Variants in MMP26 observed in about 807,000 individuals in gnomAD.
MMP26 encodes matrix metalloproteinase-26.
In MMP26, 33 loss-of-function variants were observed where a neutral mutation model predicts 31.0. The ratio of observed to expected loss-of-function variants is 1.06; its 90% confidence interval spans 0.81 to 1.42. The LOEUF is 1.42. Among genes scored for constraint, MMP26 ranks in the 40% most tolerant of loss-of-function variants. The pLI is 0.00. For synonymous variants in MMP26, 122 were observed against 114.9 expected, an observed-to-expected ratio of 1.06 and a Z score of -0.40; for missense variants, 347 against 316.1, an observed-to-expected ratio of 1.10 and a Z score of -0.74.
chr11:4,926,366 G>A (rs12801574), intron 2 of MMP26, among the ~76,000 whole-genome samples: 17,375 of 152,214 alleles, frequency 0.11, 1,161 homozygotes, highest in South Asian at 0.16. Context: ...AGTTTAGGCA[G>A]TGATGCAAGC....
At chr11:4,849,918 A>G (rs1849950587) in intron 2 of MMP26, among the ~76,000 whole-genome samples, 1 of 152,160 alleles carries the variant, frequency 6.6e-6, no homozygotes, top group East Asian at 1.9e-4. Flanking sequence ...ACATGCATAG[A>G]ATGTGAAATG....
In MMP26 at chr11:4,927,201, A is replaced by G. The variant is rs1396827926; in HGVS notation, c.-144-60867A>G. Among the ~76,000 whole-genome samples, 4 of 152,286 alleles carry G rather than the reference A, an allele frequency of 2.6e-5. No individual in the cohort carries two copies. The South Asian group carries it at 8.3e-4, about 32-fold the overall frequency. ...TCATATGGTTGCATACAATGTTGTT[A>G]ACTATTATCAGCATCTGTCTTTATG... On this transcript the variant is annotated intron_variant, in intron 2 of 7. Transcript: ENST00000380390.
chr11:4,966,277 AG>A (rs1201467017), intron 2 of MMP26, among the ~76,000 whole-genome samples: 3 of 152,036 alleles, frequency 2.0e-5, no homozygotes, highest in Non-Finnish European at 2.9e-5. Flanking sequence ...GGGCAGGAGG[AG>A]TTGGTGGGTA....
At chr11:4,907,931 G>C in intron 2 of MMP26, 1 of 1,614,032 alleles carries the variant, frequency 6.2e-7, no homozygotes, top group Non-Finnish European at 8.5e-7. Context: ...CATGAAGCTG[G>C]CCTGCTCTGA....
intron 2 of MMP26, among the ~76,000 whole-genome samples, chr11:4,791,233 G>A (rs1849022196): frequency 6.6e-6 from 1 of 152,202 alleles, no homozygotes; most frequent in Admixed American, 6.5e-5. Context: ...GTTAATAGTT[G>A]CGGCTATGAA....
intron 2 of MMP26, among the ~76,000 whole-genome samples, chr11:4,847,281 A>T (rs889629715): frequency 1.3e-5 from 2 of 152,216 alleles, no homozygotes; most frequent in Non-Finnish European, 2.9e-5. Flanking sequence ...ATGTGAATGT[A>T]TACTGCTGCT....
At chr11:4,798,289 G>A (rs1849134923) in intron 2 of MMP26, among the ~76,000 whole-genome samples, 1 of 152,132 alleles carries the variant, frequency 6.6e-6, no homozygotes, top group Non-Finnish European at 1.5e-5. Flanking sequence ...AGAAGACAGA[G>A]CAGGATGAGC....
intron 2 of MMP26, among the ~76,000 whole-genome samples, chr11:4,891,065 G>C (rs1850614414): frequency 6.6e-6 from 1 of 151,070 alleles, no homozygotes; most frequent in South Asian, 2.1e-4. Flanking sequence ...GTGGATACTA[G>C]TTTTGAAGAA....
intron 2 of MMP26, chr11:4,973,631 CTTAACA>C (rs1450004331): frequency 6.2e-6 from 1 of 160,666 alleles, no homozygotes; most frequent in African/African-American, 2.4e-5. Context: ...CAGGAAAATC[CTTAACA>C]TGGTAGGGAG....
intron 2 of MMP26, among the ~76,000 whole-genome samples, chr11:4,971,568 A>T (rs141671784): frequency 1.3e-5 from 2 of 152,214 alleles, no homozygotes; most frequent in Admixed American, 1.3e-4. Flanking sequence ...ATGTATGGAA[A>T]AGGAGTAAGG....
chr11:4,783,138 C>T (rs1298896345), intron 2 of MMP26, among the ~76,000 whole-genome samples: 1 of 152,196 alleles, frequency 6.6e-6, no homozygotes, highest in African/African-American at 2.4e-5. Flanking sequence ...ATGATAGATC[C>T]ACCAGTAGCT....
intron 1 of MMP26, among the ~76,000 whole-genome samples, chr11:4,745,305 G>T (rs1848365785): frequency 6.6e-6 from 1 of 152,178 alleles, no homozygotes; most frequent in Admixed American, 6.5e-5. Context: ...TGCATTTGTA[G>T]CTCAGTGGCT....
chr11:4,902,572 G>A (rs1344690850), intron 2 of MMP26, among the ~76,000 whole-genome samples: 1 of 152,226 alleles, frequency 6.6e-6, no homozygotes, highest in East Asian at 1.9e-4. Context: ...ACACTTTTTA[G>A]TTGTGTTGTT....
intron 2 of MMP26, among the ~76,000 whole-genome samples, chr11:4,845,602 A>G (rs1168931765): frequency 6.6e-6 from 1 of 152,208 alleles, no homozygotes; most frequent in African/African-American, 2.4e-5. Flanking sequence ...ATAGGATCAC[A>G]TTAAGTTAAA....
At chr11:4,763,985 A>T (rs2133413086) in intron 1 of MMP26, among the ~76,000 whole-genome samples, 1 of 152,340 alleles carries the variant, frequency 6.6e-6, no homozygotes, top group Admixed American at 6.5e-5. Context: ...AGAATTTTAT[A>T]AAGCATGTAA....
chr11:4,929,289 C>G (rs1474307851), intron 2 of MMP26, among the ~76,000 whole-genome samples: 2 of 151,968 alleles, frequency 1.3e-5, no homozygotes, highest in African/African-American at 4.8e-5. Context: ...AACCCATTAG[C>G]TGCAAAGAGC....
chr11:4,854,962 G>A (rs546774814), intron 2 of MMP26, among the ~76,000 whole-genome samples: 20 of 152,272 alleles, frequency 1.3e-4, no homozygotes, highest in African/African-American at 2.9e-4. Context: ...GGTCTGGAGC[G>A]GACCTCCAGC....
rs200658751 is a variant in MMP26 at position 4,803,981 on chromosome 11, G to A, written c.-145+36640G>A. On this transcript the variant is annotated intron_variant, in intron 2 of 7. Coordinates refer to ENST00000380390, the MANE Select transcript of MMP26 (RefSeq NM_021801.5). ...GATGGGGTCAGGATGCTAGAGTGTC[G>A]GAGTGGGAAGCAGATAGCCACGTAG... 1,329 of 1,613,640 alleles carry A rather than the reference G, an allele frequency of 8.2e-4. 1 individual carries two copies. Among genetic ancestry groups the A allele is most frequent in the South Asian group, 2.8e-3 (255 of 91,050 alleles).
intron 2 of MMP26, among the ~76,000 whole-genome samples, chr11:4,836,215 A>G (rs1202236321): frequency 2.0e-5 from 3 of 152,070 alleles, no homozygotes; most frequent in Non-Finnish European, 4.4e-5. Flanking sequence ...CTATAAAGCT[A>G]TAATAAATAA....
Sources: gnomAD v4.1 joint callset for allele counts (sites outside exome capture counted in the v4.1 genomes callset) on GRCh38, gnomAD v4.1.1 for gene constraint, MANE v1.5 for transcripts, NCBI Gene and HGNC (gene_info 2026-07-23, HGNC 2026-07-21) for gene names.